HDLBP: variants seen among roughly 807,000 people sequenced by gnomAD.
The protein encoded by HDLBP is vigilin.
In HDLBP, 30 loss-of-function variants were observed where a neutral mutation model predicts 137.3. The observed-to-expected ratio is 0.22, with a 90% CI of 0.16 to 0.30. The LOEUF (loss-of-function observed/expected upper bound fraction) is 0.30, where lower values mean the gene tolerates loss of function less well. Among genes scored for constraint, HDLBP ranks in the 10% least tolerant of loss-of-function variants. The probability of loss-of-function intolerance (pLI) is 1.00; values close to 1 mark genes in which losing one functional copy is unlikely to be tolerated. For synonymous variants in HDLBP, 606 were observed against 596.0 expected, an observed-to-expected ratio of 1.02 and a Z score of -0.24; for missense variants, 1,119 against 1,667.3, an observed-to-expected ratio of 0.67 and a Z score of 5.73.
At position 241,272,607 on chromosome 2, in the gene HDLBP, C is replaced by T. The variant is rs1322560950; in HGVS notation, c.-102-4066G>A. 5 of 982,272 alleles carry T rather than the reference C, an allele frequency of 5.1e-6. No individual in the cohort carries two copies. The African/African-American group carries it at 8.8e-5, about 17-fold the overall frequency. The allele number at this position is 982,272 out of a possible 1,614,324, so 60.8% of individuals were successfully genotyped here. The stretch of plus-strand genomic sequence containing the variant: ...AAGCAGGACACCCGCGGGCGGGGGC[C>T]GCAGCCTGGGGCCCGGGTGGGGGCC... On this transcript the variant is annotated intron_variant, in intron 1 of 27. Transcript: ENST00000310931. This position sits in a 1 kb window ranked among gnomAD's most constrained non-coding sequence, Gnocchi z 5.6.
chr2:241,263,052 C>A (rs2073328912), intron 4 of HDLBP, 126 bp from the exon 5 acceptor site: 7 of 708,704 alleles, frequency 9.9e-6, no homozygotes, highest in Non-Finnish European at 1.2e-5. Flanking sequence ...ACAGGCACTG[C>A]TCGAAGCCCT....
At chr2:241,314,596 T>A (rs1213422749) in intron 1 of HDLBP, among the ~76,000 whole-genome samples, 3 of 152,196 alleles carry the variant, frequency 2.0e-5, no homozygotes, top group Non-Finnish European at 4.4e-5. Flanking sequence ...AATTTCACCA[T>A]AATAGGCACT....
intron 1 of HDLBP, among the ~76,000 whole-genome samples, chr2:241,276,696 TA>T (rs1257879878): frequency 6.6e-6 from 1 of 152,146 alleles, no homozygotes; most frequent in African/African-American, 2.4e-5. Context: ...GACTGTAGGA[TA>T]AAAATCATTA....
intron 1 of HDLBP, among the ~76,000 whole-genome samples, chr2:241,289,496 T>A (rs904993312): frequency 6.6e-6 from 1 of 152,154 alleles, no homozygotes; most frequent in Non-Finnish European, 1.5e-5. Flanking sequence ...TATGCAAAGT[T>A]AGACAATGGA....
At chr2:241,304,222 G>A (rs530566408) in intron 1 of HDLBP, among the ~76,000 whole-genome samples, 7 of 152,332 alleles carry the variant, frequency 4.6e-5, no homozygotes, top group Non-Finnish European at 8.8e-5. Context: ...AAGTTACTCT[G>A]CTAAGCCATA....
chr2:241,237,399 A>G (rs1028541846), intron 20 of HDLBP, among the ~76,000 whole-genome samples: 11 of 152,158 alleles, frequency 7.2e-5, no homozygotes, highest in African/African-American at 2.4e-4. Context: ...ACCAAAATAG[A>G]CACCACAACA....
chr2:241,306,726 G>A (rs186403273), intron 1 of HDLBP, among the ~76,000 whole-genome samples: 56 of 151,734 alleles, frequency 3.7e-4, no homozygotes, highest in African/African-American at 1.2e-3. Context: ...TGGCCAACAC[G>A]GCAAAACCCT....
intron 3 of HDLBP, among the ~76,000 whole-genome samples, chr2:241,266,119 G>C (rs1044728701): frequency 3.3e-5 from 5 of 152,282 alleles, no homozygotes; most frequent in African/African-American, 9.6e-5. Context: ...CACAGATCAA[G>C]GATTTTGGAT....
intron 24 of HDLBP, 135 bp from the exon 25 acceptor site, chr2:241,231,079 A>G (rs1574829024): frequency 1.3e-6 from 1 of 753,932 alleles, no homozygotes; most frequent in Non-Finnish European, 2.1e-6. Flanking sequence ...GATTTAAAAC[A>G]AGAGGTTAAC....
At chr2:241,257,970 C>T (rs2149493387) in intron 5 of HDLBP, among the ~76,000 whole-genome samples, 2 of 152,318 alleles carry the variant, frequency 1.3e-5, no homozygotes, top group South Asian at 4.1e-4. Flanking sequence ...AGCAAAACGT[C>T]TTTTCAAGAC....
At chr2:241,236,886 A>C in intron 20 of HDLBP, 117 bp from the exon 21 acceptor site, 1 of 1,002,974 alleles carries the variant, frequency 1.0e-6, no homozygotes, top group East Asian at 2.5e-5. Context: ...AAGGGAGGGA[A>C]AACCACTCCT....
At chr2:241,274,341 C>G (rs748004224) in intron 1 of HDLBP, among the ~76,000 whole-genome samples, 2 of 152,148 alleles carry the variant, frequency 1.3e-5, no homozygotes, top group Non-Finnish European at 2.9e-5. Flanking sequence ...TCAGCAAAGC[C>G]GTGCTCTAAG....
chr2:241,264,429 GA>G lies in HDLBP; in HGVS notation c.234+18del. On this transcript the variant is annotated intron_variant, in intron 4 of 27. Transcript: ENST00000310931. ...ATGTTACATGATAAAATTTTTAAAA[GA>G]AAGAATGGTGTTTCTACCTGAGTGA... 1 of 1,526,762 alleles carries G rather than the reference GA, an allele frequency of 6.5e-7. No individual in the cohort carries two copies. 94.6% of individuals were successfully genotyped at this position (1,526,762 alleles called of 1,614,324 possible).
In HDLBP at chr2:241,229,717, G is replaced by C; in HGVS notation, c.3721-30C>G. 1.9e-6 allele frequency: 3 copies of C among 1,612,484 alleles called. No homozygotes were observed. In the East Asian group the frequency reaches 6.7e-5, roughly 36 times the overall value. ...GCAGAGAGAGGACACGGCTTCAGGA[G>C]GGGATGCTCCCCAACTCGCAAGCAG... On this transcript the variant is annotated intron_variant, in intron 27 of 27. Coordinates refer to ENST00000310931, the MANE Select transcript of HDLBP (RefSeq NM_005336.6).
Position 241,255,293 on chromosome 2 carries a change from A to C in HDLBP, c.1080+81T>G, listed in dbSNP as rs2072527720. The C allele has an allele frequency of 9.6e-6, 14 of 1,454,638 alleles. 1 individual carries two copies. The South Asian group carries it at 1.6e-4, about 17-fold the overall frequency. The allele number at this position is 1,454,638 out of a possible 1,614,324, so 90.1% of individuals were successfully genotyped here. A position where few individuals can be genotyped will look rare whatever the true frequency, so the allele number is the denominator to read the frequency against. ...ACCTGCACTGTGTCCAGGCCCCAGGATTTACAAATCGAGAGCTCATCCATG... is the reference window on the plus strand; with the variant it reads ...ACCTGCACTGTGTCCAGGCCCCAGGCTTTACAAATCGAGAGCTCATCCATG... On this transcript the variant is annotated intron_variant, in intron 8 of 27. Coordinates refer to ENST00000310931, the MANE Select transcript of HDLBP (RefSeq NM_005336.6).
intron 16 of HDLBP, 110 bp downstream of exon 16, chr2:241,246,642 C>G: frequency 9.4e-7 from 1 of 1,065,218 alleles, no homozygotes; most frequent in Non-Finnish European, 1.4e-6. Flanking sequence ...CAATCTTCCA[C>G]ATCAGCCTGC....
Position 241,230,959 on chromosome 2 carries a change from T to C in HDLBP, c.3289-15A>G, listed in dbSNP as rs1247787934. On this transcript the variant is annotated splice_polypyrimidine_tract_variant and intron_variant, in intron 24 of 27. Coordinates refer to ENST00000310931, the MANE Select transcript of HDLBP (RefSeq NM_005336.6). This position sits in a 1 kb window ranked among gnomAD's most constrained non-coding sequence, Gnocchi z 5.0. ...TGGTCCTGGGGCTAAAAAAGGAGAATGTAGTCAGAAAAGGGGATGCCTTAC... is the reference window on the plus strand; with the variant it reads ...TGGTCCTGGGGCTAAAAAAGGAGAACGTAGTCAGAAAAGGGGATGCCTTAC... The C allele has an allele frequency of 1.2e-6, 2 of 1,609,588 alleles. No individual in the cohort carries two copies. The highest frequency in any genetic ancestry group is 1.7e-5 in the Admixed American group (1 of 59,952).
At chr2:241,278,354 C>T (rs1297238894) in intron 1 of HDLBP, among the ~76,000 whole-genome samples, 1 of 152,176 alleles carries the variant, frequency 6.6e-6, no homozygotes, top group Non-Finnish European at 1.5e-5. Context: ...GAGGCTGAGG[C>T]AGGCAGATAC....
chr2:241,230,188 C>A lies in HDLBP; in HGVS notation c.3556G>T (p.Ala1186Ser), dbSNP rs1041170759. Residue 1186 changes from alanine (A) to serine (S), a missense_variant, in exon 26 of 28, where the codon GCC becomes TCC. Physicochemically the swap from Ala to Ser is moderately conservative, Grantham distance 99 (BLOSUM62 1). This residue lies in a region of HDLBP where 618 missense variants were observed against 816.7 expected (regional missense o/e 0.76). Transcript: ENST00000310931. The surrounding 1 kb of genome is among the most constrained non-coding windows in gnomAD (Gnocchi z 5.0). The stretch of plus-strand genomic sequence containing the variant: ...TCCAGATTGAGGATGTGGTCGATGG[C>A]TTCCTCCACATTCTCTGGGAGCCCC... ...VTGLPENVEE[A>S]IDHILNLEEE... is the part of the protein sequence containing the mutation. The A allele has an allele frequency of 6.2e-7, 1 of 1,613,832 alleles. No homozygotes were observed. Among genetic ancestry groups the A allele is most frequent in the Non-Finnish European group, 8.5e-7 (1 of 1,179,826 alleles).
Sources: allele counts gnomAD v4.1 joint callset (sites outside exome capture counted in the v4.1 genomes callset), GRCh38; gene constraint gnomAD v4.1.1; regional missense constraint gnomAD v4.1.1; non-coding constraint Gnocchi (gnomAD v3.1); transcripts MANE v1.5; gene names NCBI Gene and HGNC (gene_info 2026-07-23, HGNC 2026-07-21).